Variants in CWH43 observed in about 807,000 individuals in gnomAD.
CWH43 encodes cell wall biogenesis 43 C-terminal homolog.
CWH43 carries 91 observed loss-of-function variants against 85.7 expected under a neutral mutation model. The observed-to-expected ratio is 1.06, with a 90% CI of 0.90 to 1.26. The LOEUF (loss-of-function observed/expected upper bound fraction) is 1.26. CWH43 is among the 50% of genes most tolerant of loss of function. The pLI is 0.00. For missense variants in CWH43, 869 were observed against 839.2 expected, an observed-to-expected ratio of 1.04 and a Z score of -0.44; for synonymous variants, 323 against 293.6, an observed-to-expected ratio of 1.10 and a Z score of -1.02.
intron 14 of CWH43, among the ~76,000 whole-genome samples, chr4:49,046,702 A>G (rs1784634415): frequency 6.6e-6 from 1 of 151,978 alleles, no homozygotes; most frequent in African/African-American, 2.4e-5. Context: ...AAAGTTTGAG[A>G]GGAGGATGCT....
At chr4:49,047,929 A>G (rs1378511055) in intron 14 of CWH43, among the ~76,000 whole-genome samples, 2 of 152,230 alleles carry the variant, frequency 1.3e-5, no homozygotes, top group Admixed American at 6.5e-5. Context: ...TAAAAGGAGC[A>G]TCACATGCCC....
intron 8 of CWH43, chr4:49,016,763 T>C (rs1467172400): frequency 1.7e-5 from 13 of 777,648 alleles, no homozygotes; most frequent in South Asian, 1.3e-4. Flanking sequence ...CCCTTGCATC[T>C]AGCTTCTTCC....
intron 15 of CWH43, among the ~76,000 whole-genome samples, chr4:49,061,497 A>C (rs1397577169): frequency 6.6e-6 from 1 of 152,234 alleles, no homozygotes; most frequent in Non-Finnish European, 1.5e-5. Flanking sequence ...TGTAACATGA[A>C]TAGCATTTCA....
chr4:49,048,679 T>C (rs1399316672), intron 14 of CWH43, among the ~76,000 whole-genome samples: 2 of 152,080 alleles, frequency 1.3e-5, no homozygotes, highest in Admixed American at 6.5e-5. Flanking sequence ...TCTCTTCTTA[T>C]AAAGCCATTA....
intron 11 of CWH43, among the ~76,000 whole-genome samples, chr4:49,032,146 A>G (rs909323213): frequency 6.6e-6 from 1 of 152,236 alleles, no homozygotes; most frequent in Non-Finnish European, 1.5e-5. Context: ...GCCTTTTCAT[A>G]TGCCTATAGG....
At position 49,028,647 on chromosome 4, in the gene CWH43, T is replaced by A. The variant is rs373531552; in HGVS notation, c.1285T>A (p.Ser429Thr). The change falls in exon 10 of 16, where the codon TCT (serine) becomes ACT (threonine). Residue 429 changes from serine to threonine, a missense_variant. Physicochemically the swap from Ser to Thr is moderately conservative, Grantham distance 58 (BLOSUM62 1). Transcript: ENST00000226432. ...TCCTCAGGCACCAACCAAAGAGGTC[T>A]CTGCTGCCATCTGGCCTTTCAGGTT... ...LGKVAPTKEV[S>T]AAIWPFRFGY... The A allele has an allele frequency of 1.5e-5, 25 of 1,613,434 alleles. No homozygotes were observed. The highest frequency in any genetic ancestry group is 2.1e-5 in the Non-Finnish European group (25 of 1,179,624).
intron 1 of CWH43, among the ~76,000 whole-genome samples, chr4:48,988,063 C>T (rs769490945): frequency 2.6e-5 from 4 of 152,052 alleles, no homozygotes; most frequent in South Asian, 2.1e-4. Context: ...GAAAGGAACA[C>T]GCAAGGGATG....
intron 9 of CWH43, 41 bp downstream of exon 9, chr4:49,017,369 T>C (rs763446631): frequency 7.5e-7 from 1 of 1,333,710 alleles, no homozygotes; most frequent in Non-Finnish European, 1.1e-6. Context: ...TTATATGGTA[T>C]ATATATGTGC....
intron 6 of CWH43, among the ~76,000 whole-genome samples, chr4:49,002,584 T>A (rs1783025443): frequency 6.6e-6 from 1 of 152,192 alleles, no homozygotes; most frequent in African/African-American, 2.4e-5. Context: ...TCTGTATTTT[T>A]AAAATTTCTA....
chr4:49,017,403 C>G, intron 9 of CWH43, 75 bp downstream of exon 9: 2 of 1,057,780 alleles, frequency 1.9e-6, no homozygotes, highest in Non-Finnish European at 2.8e-6. Context: ...ATTTACCATT[C>G]TGATTGAACC....
At chr4:49,034,278 T>A (rs1784194272) in intron 12 of CWH43, among the ~76,000 whole-genome samples, 1 of 152,168 alleles carries the variant, frequency 6.6e-6, no homozygotes, top group African/African-American at 2.4e-5. Flanking sequence ...TAACATTGGG[T>A]TTATCTTTAA....
At chr4:49,044,916 G>A in intron 14 of CWH43, 69 bp downstream of exon 14, 3 of 1,264,258 alleles carry the variant, frequency 2.4e-6, no homozygotes, top group Non-Finnish European at 3.4e-6. Flanking sequence ...GTCTGAGAAG[G>A]AAAAAGAACT....
chr4:49,004,105 T>C lies in CWH43; in HGVS notation c.1060+113T>C. The C allele has an allele frequency of 3.1e-6, 3 of 969,166 alleles. No homozygotes were observed. The South Asian group carries it at 5.7e-5, about 18-fold the overall frequency. The allele number at this position is 969,166 out of a possible 1,614,324, so 60.0% of individuals were successfully genotyped here. On this transcript the variant is annotated intron_variant, in intron 7 of 15. Coordinates refer to ENST00000226432, the MANE Select transcript of CWH43 (RefSeq NM_025087.3). ...TGGAAATAAGCAGGATGATCTAGCT[T>C]TCTTGGTAAAATAGACTCTCTTGAT...
chr4:49,030,932 G>T lies in CWH43; in HGVS notation c.1480G>T (p.Gly494Cys). ...GEKLGFYTDF[G>C]PSTRYHTWGI... Reference sequence around the variant, plus strand: ...AAAGTTGGGTTTCTATACAGACTTTGGTCCAAGCACAAGGTATCACACTTG... The same window carrying T: ...AAAGTTGGGTTTCTATACAGACTTTTGTCCAAGCACAAGGTATCACACTTG... Residue 494 changes from glycine (G) to cysteine (C), a missense_variant, in exon 11 of 16, where the codon GGT (glycine) becomes TGT (cysteine). Physicochemically the swap from Gly to Cys is radical, Grantham distance 159. Around this residue, in one of 3 missense-constraint regions of CWH43, gnomAD observed 577 missense variants for 513.1 expected, o/e 1.12. Coordinates refer to ENST00000226432, the MANE Select transcript of CWH43 (RefSeq NM_025087.3). The T allele has an allele frequency of 1.9e-6, 3 of 1,607,042 alleles. No homozygotes were observed. The highest frequency in any genetic ancestry group is 1.7e-6 in the Non-Finnish European group (2 of 1,177,538).
At position 49,038,198 on chromosome 4, in the gene CWH43, G is replaced by A; in HGVS notation, c.1803+18G>A. 1 of 1,506,162 alleles carries A rather than the reference G, an allele frequency of 6.6e-7. No individual in the cohort carries two copies. The highest frequency in any genetic ancestry group is 1.3e-5 in the South Asian group (1 of 76,154). 93.3% of individuals were successfully genotyped at this position (1,506,162 alleles called of 1,614,324 possible). On this transcript the variant is annotated intron_variant, in intron 13 of 15. Transcript: ENST00000226432. ...ATGTGAAGGTAACATAATCTTAATA[G>A]GATTTCTAATTTATTAAGTAAAACA...
In CWH43 at chr4:48,991,970, A is replaced by T; in HGVS notation, c.391A>T (p.Ile131Phe). ...AATTTGGGGATTCATTTTAGGACAG[A>T]TTGTTCTTGTTGTTCTACGCATATG... ...LRIWGFILGQ[I>F]VLVVLRIWYT... Residue 131 changes from isoleucine to phenylalanine, a missense_variant, in exon 4 of 16, where the codon ATT becomes TTT. This residue lies in a region of CWH43 where 152 missense variants were observed against 203.6 expected (regional missense o/e 0.75). Coordinates refer to ENST00000226432, the MANE Select transcript of CWH43 (RefSeq NM_025087.3). The T allele has an allele frequency of 1.9e-6, 3 of 1,613,768 alleles. No homozygotes were observed. Among genetic ancestry groups the T allele is most frequent in the Non-Finnish European group, 2.5e-6 (3 of 1,179,876 alleles).
At position 49,050,675 on chromosome 4, in the gene CWH43, A is replaced by G; in HGVS notation, c.1866-19A>G. The G allele has an allele frequency of 5.0e-6, 8 of 1,600,020 alleles. No homozygotes were observed. Among genetic ancestry groups the G allele is most frequent in the Non-Finnish European group, 6.8e-6 (8 of 1,173,614 alleles). On this transcript the variant is annotated intron_variant, in intron 14 of 15. Transcript: ENST00000226432. ...TACAATAATAAAACTGTTACAAACCATTTCTGTTTCTGCTACAGGTTGGGT... is the reference window on the plus strand; with the variant it reads ...TACAATAATAAAACTGTTACAAACCGTTTCTGTTTCTGCTACAGGTTGGGT...
At position 49,032,673 on chromosome 4, in the gene CWH43, G is replaced by T; in HGVS notation, c.1616G>T (p.Gly539Val). The T allele has an allele frequency of 6.2e-7, 1 of 1,614,076 alleles. No individual in the cohort carries two copies. The change falls in exon 12 of 16, where the codon GGC becomes GTC. Residue 539 changes from glycine (G) to valine (V), a missense_variant. Gly to Val is a moderately radical substitution (Grantham distance 109, BLOSUM62 -3). Transcript: ENST00000226432. ...PAITLTVNIS[G>V]KLVDFVVTHF... Reference sequence around the variant, plus strand: ...ATCACATTGACCGTTAACATTTCGGGCAAGCTGGTGGATTTTGTCGTGACA... The same window carrying T: ...ATCACATTGACCGTTAACATTTCGGTCAAGCTGGTGGATTTTGTCGTGACA...
At chr4:49,017,732 T>A (rs897976291) in intron 9 of CWH43, among the ~76,000 whole-genome samples, 1 of 152,170 alleles carries the variant, frequency 6.6e-6, no homozygotes, top group African/African-American at 2.4e-5. Flanking sequence ...GTTCTACTTC[T>A]GGGGAGGCCT....
Sources: allele counts gnomAD v4.1 joint callset (sites outside exome capture counted in the v4.1 genomes callset), GRCh38; gene constraint gnomAD v4.1.1; regional missense constraint gnomAD v4.1.1; transcripts MANE v1.5; gene names NCBI Gene and HGNC (gene_info 2026-07-23, HGNC 2026-07-21).